RXRA: variants seen among roughly 807,000 people sequenced by gnomAD.
RXRA encodes retinoic acid receptor RXR-alpha.
RXRA carries 5 observed loss-of-function variants against 44.5 expected under a neutral mutation model. The ratio of observed to expected loss-of-function variants is 0.11; its 90% CI spans 0.06 to 0.24. The LOEUF (loss-of-function observed/expected upper bound fraction) is 0.24. Ranked by LOEUF, RXRA falls within the 10% of genes least tolerant of loss-of-function variation. The probability of loss-of-function intolerance (pLI) is 1.00; values close to 1 mark genes in which losing one functional copy is unlikely to be tolerated. For synonymous variants in RXRA, 291 were observed against 271.4 expected (o/e 1.07, Z -0.71); for missense variants, 412 against 646.5 (o/e 0.64, Z 3.93).
chr9:134,356,143 C>G (rs1391743502), intron 1 of RXRA, among the ~76,000 whole-genome samples: 1 of 152,164 alleles, frequency 6.6e-6, no homozygotes, highest in Non-Finnish European at 1.5e-5. Context: ...CCCTCCTGCC[C>G]CTGCCAGGTG....
At chr9:134,361,646 A>G (rs1279765441) in intron 1 of RXRA, among the ~76,000 whole-genome samples, 2 of 152,218 alleles carry the variant, frequency 1.3e-5, no homozygotes, top group Admixed American at 1.3e-4. Context: ...GCTTTTTCAT[A>G]CTGTAATTTG....
Position 134,426,948 on chromosome 9 carries a change from G to A in RXRA, c.911-2160G>A, listed in dbSNP as rs1252614328. Reference sequence around the variant, plus strand: ...AGGAGAGCATTTGCTCTCACTGGATGTCAGACCCAGTGCCTCTCAGCCTGG... The same window carrying A: ...AGGAGAGCATTTGCTCTCACTGGATATCAGACCCAGTGCCTCTCAGCCTGG... On this transcript the variant is annotated intron_variant, in intron 6 of 9. Coordinates refer to ENST00000481739, the MANE Select transcript of RXRA (RefSeq NM_002957.6). This position sits in a 1 kb window ranked among gnomAD's most constrained non-coding sequence, Gnocchi z 4.6. 2.0e-6 allele frequency: 2 copies of A among 985,208 alleles called. No individual in the cohort carries two copies. The highest frequency in any genetic ancestry group is 3.5e-5 in the African/African-American group (2 of 57,196). 61.0% of individuals were successfully genotyped at this position (985,208 alleles called of 1,614,324 possible). A position where few individuals can be genotyped will look rare whatever the true frequency, so the allele number is the denominator to read the frequency against.
At chr9:134,376,382 C>T (rs529895089) in intron 1 of RXRA, among the ~76,000 whole-genome samples, 102 of 152,324 alleles carry the variant, frequency 6.7e-4, no homozygotes, top group African/African-American at 2.2e-3. Context: ...ACACTGCTCC[C>T]GTCTATGCTG....
At chr9:134,396,949 G>A (rs1385596142) in intron 1 of RXRA, among the ~76,000 whole-genome samples, 1 of 152,222 alleles carries the variant, frequency 6.6e-6, no homozygotes, top group Non-Finnish European at 1.5e-5. Context: ...TGCCCAGGAG[G>A]GGGCTGGAGT....
At chr9:134,368,895 TATG>T (rs755617054) in intron 1 of RXRA, among the ~76,000 whole-genome samples, 2 of 57,128 alleles carry the variant, frequency 3.5e-5, no homozygotes, top group South Asian at 6.6e-4. Flanking sequence ...GTGCAGGGGT[TATG>T]TGTGTGTGGG....
chr9:134,383,021 C>G (rs1304520518), intron 1 of RXRA, among the ~76,000 whole-genome samples: 1 of 152,170 alleles, frequency 6.6e-6, no homozygotes, highest in African/African-American at 2.4e-5. Flanking sequence ...CTGGCTATGC[C>G]CCTGGGCTGC....
intron 1 of RXRA, among the ~76,000 whole-genome samples, chr9:134,356,018 G>A (rs1207270936): frequency 6.6e-6 from 1 of 152,160 alleles, no homozygotes; most frequent in Non-Finnish European, 1.5e-5. Flanking sequence ...CAAGAGTAGC[G>A]GCAGGGAGGT....
Sources: gnomAD v4.1 joint callset for allele counts (sites outside exome capture counted in the v4.1 genomes callset) on GRCh38, gnomAD v4.1.1 for gene constraint, Gnocchi (gnomAD v3.1) non-coding constraint, MANE v1.5 for transcripts, NCBI Gene and HGNC (gene_info 2026-07-23, HGNC 2026-07-21) for gene names.